The following LCP1 variants were observed in gnomAD, a reference collection of about 807,000 sequenced individuals.
The protein encoded by LCP1 is lymphocyte cytosolic protein 1, also known as plastin-2.
In LCP1, 23 loss-of-function variants were observed where a neutral mutation model predicts 72.0. The ratio of observed to expected loss-of-function variants is 0.32; its 90% CI spans 0.23 to 0.45. The LOEUF is 0.45. Ranked by LOEUF, LCP1 falls within the 20% of genes least tolerant of loss-of-function variation. The pLI is 1.00. For synonymous variants in LCP1, 245 were observed against 275.4 expected (o/e 0.89, Z 1.09); for missense variants, 571 against 748.3 (o/e 0.76, Z 2.76).
intron 1 of LCP1, among the ~76,000 whole-genome samples, chr13:46,178,209 A>AACACCTGATTC (rs1421484913): frequency 2.0e-5 from 3 of 152,202 alleles, no homozygotes; most frequent in African/African-American, 7.2e-5. Flanking sequence ...CACTTAGAAA[A>AACACCTGATTC]ACACCTGATT....
intron 14 of LCP1, 140 bp from the exon 15 acceptor site, chr13:46,131,078 G>T: frequency 2.4e-6 from 2 of 837,498 alleles, no homozygotes; most frequent in Non-Finnish European, 3.4e-6. Flanking sequence ...ATTCCACATA[G>T]TGTTTCAAAT....
intron 12 of LCP1, 36 bp from the exon 13 acceptor site, chr13:46,142,461 C>G (rs1043976331): frequency 1.3e-6 from 2 of 1,597,860 alleles, no homozygotes; most frequent in Non-Finnish European, 8.6e-7. Flanking sequence ...TTAACGTCAT[C>G]ATCTTGATTA....
At position 46,148,341 on chromosome 13, in the gene LCP1, C is replaced by T. The variant is rs368591497; in HGVS notation, c.978+11G>A. 20 of 1,599,760 alleles carry T rather than the reference C, an allele frequency of 1.3e-5. No homozygotes were observed. The African/African-American group carries it at 2.5e-4, about 20-fold the overall frequency. On this transcript the variant is annotated intron_variant, in intron 9 of 15. Coordinates refer to ENST00000323076, the MANE Select transcript of LCP1 (RefSeq NM_002298.5). The stretch of plus-strand genomic sequence containing the variant: ...TCATATTCTCCAAACACAACTGGGA[C>T]CTGGCCTTACCCGCAGTCCTGACAT...
chr13:46,177,947 T>C (rs550298886), intron 1 of LCP1, among the ~76,000 whole-genome samples: 1 of 152,280 alleles, frequency 6.6e-6, no homozygotes, highest in South Asian at 2.1e-4. Context: ...ATCATATAGA[T>C]GCATTTATTT....
At chr13:46,133,287 T>C (rs565404800) in intron 14 of LCP1, among the ~76,000 whole-genome samples, 1 of 152,312 alleles carries the variant, frequency 6.6e-6, no homozygotes, top group Admixed American at 6.5e-5. Flanking sequence ...TTTAAAATCA[T>C]GGATTTTAAG....
At chr13:46,158,204 G>T (rs746609489) in intron 4 of LCP1, among the ~76,000 whole-genome samples, 1 of 152,064 alleles carries the variant, frequency 6.6e-6, no homozygotes, top group Non-Finnish European at 1.5e-5. Context: ...TGATCACTTA[G>T]CAGGTGTTAA....
At chr13:46,148,549 C>A in intron 8 of LCP1, 102 bp from the exon 9 acceptor site, 1 of 747,422 alleles carries the variant, frequency 1.3e-6, no homozygotes, top group Non-Finnish European at 2.2e-6. Context: ...TCATATTCAG[C>A]TATCATTCCA....
intron 13 of LCP1, among the ~76,000 whole-genome samples, chr13:46,140,201 CAGAA>C (rs2045688934): frequency 6.6e-6 from 1 of 152,140 alleles, no homozygotes; most frequent in Admixed American, 6.5e-5. Flanking sequence ...GAGAGTCATT[CAGAA>C]AGAAAGCTTC....
At chr13:46,140,924 T>A (rs914975091) in intron 13 of LCP1, among the ~76,000 whole-genome samples, 1 of 152,058 alleles carries the variant, frequency 6.6e-6, no homozygotes, top group East Asian at 1.9e-4. Flanking sequence ...ATAGAGAAAA[T>A]AAATCACTAA....
intron 7 of LCP1, among the ~76,000 whole-genome samples, chr13:46,151,575 G>T (rs1247783846): frequency 6.6e-6 from 1 of 152,184 alleles, no homozygotes; most frequent in Non-Finnish European, 1.5e-5. Flanking sequence ...TTTCCCAGAT[G>T]AGTAAGTATT....
chr13:46,131,598 T>A (rs1187275252), intron 14 of LCP1, among the ~76,000 whole-genome samples: 1 of 152,132 alleles, frequency 6.6e-6, no homozygotes, highest in Non-Finnish European at 1.5e-5. Flanking sequence ...AGATATGGAA[T>A]CAACCTAGGT....
At chr13:46,174,834 CA>C (rs398056355) in intron 1 of LCP1, among the ~76,000 whole-genome samples, 491 of 82,278 alleles carry the variant, frequency 6.0e-3, no homozygotes, top group Middle Eastern at 0.029. Context: ...ACTCCATCTT[CA>C]AAAAAAAAAA....
intron 11 of LCP1, 41 bp from the exon 12 acceptor site, chr13:46,143,445 A>G (rs1427477923): frequency 2.2e-6 from 3 of 1,372,646 alleles, no homozygotes; most frequent in East Asian, 2.3e-5. Context: ...GATATCCAAC[A>G]TTTATTCAGG....
chr13:46,127,262 AAATT>A lies in LCP1; in HGVS notation c.*325_*328del. ...GAAGCTGGTTTGAAAGATTATATCAAAATTAATACCACTGCAGCTTCTATCCTTG... is the reference window on the plus strand; with the variant it reads ...GAAGCTGGTTTGAAAGATTATATCAAAATACCACTGCAGCTTCTATCCTTG... On this transcript the variant is annotated 3_prime_UTR_variant, in exon 16 of 16. Transcript: ENST00000323076. The A allele has an allele frequency of 3.7e-6, 1 of 271,672 alleles. No individual in the cohort carries two copies. The highest frequency in any genetic ancestry group is 7.0e-6 in the Non-Finnish European group (1 of 142,900). The allele number at this position is 271,672 out of a possible 1,614,324, so 16.8% of individuals were successfully genotyped here.
In LCP1 at chr13:46,144,515, T is replaced by C. The variant is rs775794149; in HGVS notation, c.1180A>G (p.Thr394Ala). Residue 394 changes from threonine to alanine, a missense_variant, in exon 11 of 16, where the codon ACG (threonine) becomes GCG (alanine). Transcript: ENST00000323076. ...TTCCTAAATGTCCGCTCTTCTCTCG[T>C]CTCACCTAGATGAATGAAGATGGGT... ...DIDWGALEGE[T>A]REERTFRNWM... 3 of 1,613,046 alleles carry C rather than the reference T, an allele frequency of 1.9e-6. No individual in the cohort carries two copies. The highest frequency in any genetic ancestry group is 2.5e-6 in the Non-Finnish European group (3 of 1,178,990).
At chr13:46,160,007 T>C (rs1275054098) in intron 1 of LCP1, among the ~76,000 whole-genome samples, 1 of 152,196 alleles carries the variant, frequency 6.6e-6, no homozygotes, top group African/African-American at 2.4e-5. Context: ...GTGGTAGAAA[T>C]GATGTCTGGG....
rs1042066655 is a variant in LCP1, at chr13:46,126,745, G to A, written c.*846C>T. The stretch of plus-strand genomic sequence containing the variant: ...TTAGTTATAGCTCCATGCTGCCGCC[G>A]AGTGGCTTGATGCTCCATTACACCC... On this transcript the variant is annotated 3_prime_UTR_variant, in exon 16 of 16. Transcript: ENST00000323076. 9 of 231,124 alleles carry A rather than the reference G, an allele frequency of 3.9e-5. No individual in the cohort carries two copies. The highest frequency in any genetic ancestry group is 1.3e-3 in the Middle Eastern group (1 of 788). The allele number at this position is 231,124 out of a possible 1,614,324, so 14.3% of individuals were successfully genotyped here. A position where few individuals can be genotyped will look rare whatever the true frequency, so the allele number is the denominator to read the frequency against.
rs1257644567 is a variant in LCP1, at chr13:46,134,324, TG to T, written c.1503-75del. The T allele has an allele frequency of 4.0e-6, 6 of 1,488,894 alleles. No individual in the cohort carries two copies. In the East Asian group the frequency reaches 1.4e-4, roughly 34 times the overall value. The allele number at this position is 1,488,894 out of a possible 1,614,324, so 92.2% of individuals were successfully genotyped here. A position where few individuals can be genotyped will look rare whatever the true frequency, so the allele number is the denominator to read the frequency against. On this transcript the variant is annotated intron_variant, in intron 13 of 15. Coordinates refer to ENST00000323076, the MANE Select transcript of LCP1 (RefSeq NM_002298.5). ...AATATAAACAAAAAGTAGCTAAGGA[TG>T]GAATTTTTTTTTCGGGTATGTCATA...
chr13:46,165,171 C>T (rs1223117149), intron 1 of LCP1, among the ~76,000 whole-genome samples: 2 of 151,892 alleles, frequency 1.3e-5, no homozygotes, highest in African/African-American at 4.8e-5. Context: ...CTTAGGTGTT[C>T]GAGACCAGCC....
Sources: allele counts gnomAD v4.1 joint callset (sites outside exome capture counted in the v4.1 genomes callset), GRCh38; gene constraint gnomAD v4.1.1; transcripts MANE v1.5; gene names NCBI Gene and HGNC (gene_info 2026-07-23, HGNC 2026-07-21).